The following DAGLA variants were observed in gnomAD, a reference collection of about 807,000 sequenced individuals.
DAGLA encodes diacylglycerol lipase-alpha.
Under a neutral mutation model 102.6 loss-of-function variants are expected in DAGLA, and 22 were observed. The observed-to-expected ratio is 0.21, with a 90% CI of 0.15 to 0.31. The LOEUF (loss-of-function observed/expected upper bound fraction) is 0.31. DAGLA is among the 10% of genes least tolerant of loss of function. DAGLA has a pLI of 1.00. For missense variants in DAGLA, 927 were observed against 1,446.6 expected, an observed-to-expected ratio of 0.64 and a Z score of 5.83; for synonymous variants, 578 against 628.9, an observed-to-expected ratio of 0.92 and a Z score of 1.21.
Position 61,735,598 on chromosome 11 carries a change from A to T in DAGLA, c.1166A>T (p.Asp389Val). ...CCCTTCTACGTGGCGGTGGACCATGACAAGAAGAAAGTGGTGATCAGTATC... is the reference window on the plus strand; with the variant it reads ...CCCTTCTACGTGGCGGTGGACCATGTCAAGAAGAAAGTGGTGATCAGTATC... ...ETPFYVAVDH[D>V]KKKVVISIRG... is the part of the protein sequence containing the mutation. The change falls in exon 11 of 20, where the codon GAC becomes GTC. Residue 389 changes from aspartate to valine, a missense_variant. Transcript: ENST00000257215. 6.2e-7 allele frequency: 1 copy of T among 1,614,030 alleles called. No individual in the cohort carries two copies. Among genetic ancestry groups the T allele is most frequent in the Non-Finnish European group, 8.5e-7 (1 of 1,179,952 alleles).
chr11:61,735,725 C>T lies in DAGLA; in HGVS notation c.1213-14C>T. The T allele has an allele frequency of 6.2e-7, 1 of 1,613,468 alleles. No individual in the cohort carries two copies. ...TCTTTAGCCGCCCCCTCACCTGTCT[C>T]CTCTCTCCCCAAGGATGCCCTGACT... is the stretch of plus-strand genomic sequence containing the variant. On this transcript the variant is annotated splice_polypyrimidine_tract_variant and intron_variant, in intron 11 of 19. Coordinates refer to ENST00000257215, the MANE Select transcript of DAGLA (RefSeq NM_006133.3).
chr11:61,717,819 A>C (rs962445697), intron 1 of DAGLA, among the ~76,000 whole-genome samples: 1 of 152,114 alleles, frequency 6.6e-6, no homozygotes, highest in African/African-American at 2.4e-5. Context: ...CAGGCTGGTC[A>C]CCCTGAGGTG....
chr11:61,694,731 A>G (rs2065050493), intron 1 of DAGLA, among the ~76,000 whole-genome samples: 1 of 152,174 alleles, frequency 6.6e-6, no homozygotes. Flanking sequence ...GGAGAAATCC[A>G]TTCAAGTCAT....
intron 13 of DAGLA, 80 bp from the exon 14 acceptor site, chr11:61,737,102 C>A: frequency 6.3e-7 from 1 of 1,582,842 alleles, no homozygotes; most frequent in South Asian, 1.1e-5. Context: ...ATGGGAAGAC[C>A]CTCTGCCTCC....
At chr11:61,718,426 C>A (rs1457410780) in intron 1 of DAGLA, among the ~76,000 whole-genome samples, 2 of 152,150 alleles carry the variant, frequency 1.3e-5, no homozygotes, top group African/African-American at 4.8e-5. Flanking sequence ...AGGGAGGGGG[C>A]GGCAATACCA....
intron 1 of DAGLA, among the ~76,000 whole-genome samples, chr11:61,714,598 TTGAG>T (rs2135574441): frequency 6.6e-6 from 1 of 152,236 alleles, no homozygotes; most frequent in East Asian, 1.9e-4. Context: ...ACTGGGGAGT[TTGAG>T]TGGGGTATGT....
At chr11:61,689,608 C>G (rs1254016019) in intron 1 of DAGLA, among the ~76,000 whole-genome samples, 4 of 152,016 alleles carry the variant, frequency 2.6e-5, no homozygotes, top group African/African-American at 9.7e-5. Flanking sequence ...GGGTTCACGC[C>G]ATTCTCCTGC....
At chr11:61,713,676 G>A (rs1476712634) in intron 1 of DAGLA, among the ~76,000 whole-genome samples, 4 of 152,216 alleles carry the variant, frequency 2.6e-5, no homozygotes, top group East Asian at 1.9e-4. Flanking sequence ...GCCAGACAGC[G>A]ACCTGCTGGT....
intron 19 of DAGLA, among the ~76,000 whole-genome samples, chr11:61,743,294 C>T (rs527704584): frequency 4.8e-5 from 7 of 146,710 alleles, no homozygotes; most frequent in South Asian, 4.3e-4. Context: ...GAACCCAGGG[C>T]GGAGCTTGCA....
chr11:61,691,442 T>A (rs1456601901), intron 1 of DAGLA, among the ~76,000 whole-genome samples: 1 of 152,202 alleles, frequency 6.6e-6, no homozygotes, highest in African/African-American at 2.4e-5. Context: ...AGAAAGAATA[T>A]CCTCAGCCCA....
intron 1 of DAGLA, among the ~76,000 whole-genome samples, chr11:61,703,022 G>A (rs957785404): frequency 9.9e-5 from 15 of 152,208 alleles, no homozygotes; most frequent in Admixed American, 9.2e-4. Flanking sequence ...GCCAGCAGAT[G>A]GTGTGGAAAG....
chr11:61,703,295 T>C (rs936164476), intron 1 of DAGLA, among the ~76,000 whole-genome samples: 1 of 152,182 alleles, frequency 6.6e-6, no homozygotes, highest in Non-Finnish European at 1.5e-5. Context: ...ACCAGAACTT[T>C]AGATGGTGAG....
At chr11:61,719,647 TC>T (rs2065265746) in intron 1 of DAGLA, among the ~76,000 whole-genome samples, 1 of 152,190 alleles carries the variant, frequency 6.6e-6, no homozygotes, top group South Asian at 2.1e-4. Context: ...CCTTCAGCCT[TC>T]CTCCTGCCCT....
chr11:61,740,363 G>C (rs1223835649), intron 17 of DAGLA, 100 bp from the exon 18 acceptor site: 2 of 1,469,974 alleles, frequency 1.4e-6, no homozygotes, highest in East Asian at 2.3e-5. Context: ...AACCATGCCA[G>C]CTCTGCTGAG....
Position 61,720,396 on chromosome 11 carries a change from C to CT in DAGLA, c.95+147dup, listed in dbSNP as rs1199699012. ...TGCCCGGAGGAGGTGCCTGAAACAT[C>CT]TAGCCCCTTAGGGCAATGACACCCC... On this transcript the variant is annotated intron_variant, in intron 2 of 19. Transcript: ENST00000257215. 4 of 807,580 alleles carry CT rather than the reference C, an allele frequency of 5.0e-6. No individual in the cohort carries two copies. The East Asian group carries it at 1.1e-4, about 21-fold the overall frequency. The allele number at this position is 807,580 out of a possible 1,614,324, so 50.0% of individuals were successfully genotyped here. A position where few individuals can be genotyped will look rare whatever the true frequency, so the allele number is the denominator to read the frequency against.
chr11:61,734,831 C>G lies in DAGLA; in HGVS notation c.975-18C>G. The G allele has an allele frequency of 6.2e-7, 1 of 1,607,136 alleles. No individual in the cohort carries two copies. The highest frequency in any genetic ancestry group is 8.5e-7 in the Non-Finnish European group (1 of 1,174,760). ...CGGGGACTCCCTGGCCCTGAACTCTCTTGTCACCCCACCCTAGGTGTTGCC... is the reference window on the plus strand; with the variant it reads ...CGGGGACTCCCTGGCCCTGAACTCTGTTGTCACCCCACCCTAGGTGTTGCC... On this transcript the variant is annotated intron_variant, in intron 9 of 19. Coordinates refer to ENST00000257215, the MANE Select transcript of DAGLA (RefSeq NM_006133.3). This position sits in a 1 kb window ranked among gnomAD's most constrained non-coding sequence, Gnocchi z 4.2.
intron 16 of DAGLA, 85 bp downstream of exon 16, chr11:61,738,292 C>A (rs190998200): frequency 1.7e-6 from 2 of 1,177,402 alleles, no homozygotes; most frequent in East Asian, 2.5e-5. Context: ...GGACAAAGCA[C>A]AAGAGGCCCT....
rs536002289 is a variant in DAGLA, at chr11:61,738,200, A to G, written c.1649A>G (p.Lys550Arg). The G allele has an allele frequency of 6.2e-7, 1 of 1,612,732 alleles. No individual in the cohort carries two copies. The highest frequency in any genetic ancestry group is 1.7e-5 in the Admixed American group (1 of 60,020). Residue 550 changes from lysine (K) to arginine (R), a missense_variant, in exon 16 of 20, where the codon AAG (lysine) becomes AGG (arginine). Lys to Arg is a conservative substitution (Grantham distance 26). Transcript: ENST00000257215. Reference protein sequence around the residue: ...QLLDVLQRSTKPKWRIIVGAT... With the variant: ...QLLDVLQRSTRPKWRIIVGAT... ...CTGGATGTCCTGCAGCGAAGCACCA[A>G]GCCCAAAGTGAGCCCCCACCTGGGC... is the stretch of plus-strand genomic sequence containing the variant.
chr11:61,746,199 CAGAG>C lies in DAGLA; in HGVS notation c.*1711_*1714del, dbSNP rs139937518. On this transcript the variant is annotated 3_prime_UTR_variant, in exon 20 of 20. Coordinates refer to ENST00000257215, the MANE Select transcript of DAGLA (RefSeq NM_006133.3). ...TCCTGGGAGCCCCTGCCCACCCTGA[CAGAG>C]GGAGCTGGGCCTCCCCTCATCCTCT... 45,533 of 151,934 alleles carry C rather than the reference CAGAG, an allele frequency of 0.3. 7,371 individuals are homozygous for C. The highest frequency in any genetic ancestry group is 0.51 in the East Asian group (2,668 of 5,184). 9.4% of individuals were successfully genotyped at this position (151,934 alleles called of 1,614,324 possible). A position where few individuals can be genotyped will look rare whatever the true frequency, so the allele number is the denominator to read the frequency against.
Sources: allele counts gnomAD v4.1 joint callset (sites outside exome capture counted in the v4.1 genomes callset), GRCh38; gene constraint gnomAD v4.1.1; non-coding constraint Gnocchi (gnomAD v3.1); transcripts MANE v1.5; gene names NCBI Gene and HGNC (gene_info 2026-07-23, HGNC 2026-07-21).